COL4A2: variants seen among roughly 807,000 people sequenced by gnomAD.
The protein encoded by COL4A2 is collagen type IV alpha 2 chain.
A neutral mutation model predicts 200.2 loss-of-function variants in COL4A2; 99 were observed. That is an observed-to-expected ratio of 0.49 (90% CI 0.42 to 0.58). COL4A2 has a LOEUF of 0.58. Ranked by LOEUF, COL4A2 falls within the 20% of genes least tolerant of loss-of-function variation. COL4A2 has a pLI of 0.00. For synonymous variants in COL4A2, 897 were observed against 900.6 expected, an observed-to-expected ratio of 1.00 and a Z score of 0.07; for missense variants, 1,950 against 2,314.1, an observed-to-expected ratio of 0.84 and a Z score of 3.23.
At chr13:110,308,010 C>G in intron 2 of COL4A2, 59 bp from the exon 3 acceptor site, 1 of 1,611,044 alleles carries the variant, frequency 6.2e-7, no homozygotes, top group Non-Finnish European at 8.5e-7. Context: ...GTGTAACTCT[C>G]GGGGACTGAC....
intron 45 of COL4A2, 88 bp from the exon 46 acceptor site, chr13:110,506,327 C>CTG (rs1883871404): frequency 7.5e-7 from 1 of 1,336,394 alleles, no homozygotes; most frequent in Admixed American, 2.2e-5. Context: ...CTCTCTCAGG[C>CTG]TGTAGGTGCA....
intron 16 of COL4A2, among the ~76,000 whole-genome samples, chr13:110,444,153 C>G (rs918960539): frequency 6.6e-5 from 10 of 152,234 alleles, no homozygotes; most frequent in African/African-American, 1.9e-4. Flanking sequence ...AATGGGTTTT[C>G]TATAATGCCC....
chr13:110,464,157 G>T (rs1379567119), intron 24 of COL4A2, among the ~76,000 whole-genome samples: 1 of 152,184 alleles, frequency 6.6e-6, no homozygotes, highest in Non-Finnish European at 1.5e-5. Flanking sequence ...GCCTTGTGAA[G>T]TTGGTGACCA....
chr13:110,429,152 T>G (rs1880583333), intron 7 of COL4A2: 3 of 152,362 alleles, frequency 2.0e-5, no homozygotes, highest in South Asian at 4.2e-4. Context: ...TTGGTGAGAC[T>G]TTTTATTTAA....
chr13:110,497,981 C>T (rs1294215462), intron 40 of COL4A2, among the ~76,000 whole-genome samples: 1 of 148,216 alleles, frequency 6.7e-6, no homozygotes, highest in African/African-American at 2.5e-5. Flanking sequence ...GGGGTCAGTC[C>T]ACCAGCACAG....
intron 41 of COL4A2, 82 bp downstream of exon 41, chr13:110,501,866 A>G (rs1011256317): frequency 2.2e-6 from 3 of 1,361,976 alleles, no homozygotes; most frequent in Non-Finnish European, 3.1e-6. Context: ...GGGGGAGAAC[A>G]GACGTTCATT....
intron 31 of COL4A2, 27 bp from the exon 32 acceptor site, chr13:110,482,489 C>T: frequency 6.2e-7 from 1 of 1,610,466 alleles, no homozygotes; most frequent in Non-Finnish European, 8.5e-7. Context: ...CATGTCTAAC[C>T]CAGCACTTTT....
At chr13:110,511,883 C>T in intron 47 of COL4A2, 51 bp from the exon 48 acceptor site, 2 of 1,611,526 alleles carry the variant, frequency 1.2e-6, no homozygotes, top group Non-Finnish European at 1.7e-6. Context: ...TGACCCCGTG[C>T]CACCTGCAGG....
At chr13:110,396,450 A>G (rs1879185455) in intron 4 of COL4A2, among the ~76,000 whole-genome samples, 1 of 152,174 alleles carries the variant, frequency 6.6e-6, no homozygotes, top group African/African-American at 2.4e-5. Context: ...TTTCTTGAGT[A>G]GCCCTCTGGG....
intron 3 of COL4A2, among the ~76,000 whole-genome samples, chr13:110,311,164 T>C (rs903197509): frequency 6.6e-6 from 1 of 152,048 alleles, no homozygotes; most frequent in Non-Finnish European, 1.5e-5. Flanking sequence ...ACTGTGAGGA[T>C]CAGGGGCAGC....
At chr13:110,493,331 T>G in intron 39 of COL4A2, 49 bp downstream of exon 39, 1 of 1,585,150 alleles carries the variant, frequency 6.3e-7, no homozygotes, top group South Asian at 1.1e-5. Flanking sequence ...GTGTCGAGGG[T>G]GGGGACTCTG....
chr13:110,377,147 G>A (rs957431953), intron 4 of COL4A2, among the ~76,000 whole-genome samples: 1 of 151,878 alleles, frequency 6.6e-6, no homozygotes, highest in Non-Finnish European at 1.5e-5. Flanking sequence ...GTGGGGGTGG[G>A]GAGACTTGCT....
At position 110,397,303 on chromosome 13, in the gene COL4A2, G is replaced by A. The variant is rs578044458; in HGVS notation, c.181-27431G>A. 9.2e-5 allele frequency among the ~76,000 whole-genome samples: 14 copies of A among 152,280 alleles called. No homozygotes were observed. The East Asian group carries it at 9.6e-4, about 10-fold the overall frequency. On this transcript the variant is annotated intron_variant, in intron 4 of 47. Transcript: ENST00000360467. ...ACAGGGAAGTGGTTTGGGCAGCCCC[G>A]GAACCGAAGAACCCCTCAGAGCATC... is the stretch of plus-strand genomic sequence containing the variant.
chr13:110,485,440 G>A (rs1220912732), intron 33 of COL4A2, among the ~76,000 whole-genome samples: 4 of 151,294 alleles, frequency 2.6e-5, no homozygotes, highest in East Asian at 1.9e-4. Context: ...GGAGAATGGC[G>A]TGAACCGGGG....
Position 110,450,334 on chromosome 13 carries a change from GGAC to G in COL4A2, c.1220_1222del (p.Gly407_Pro408delinsAla). On this transcript the variant is annotated inframe_deletion, in exon 20 of 48. Transcript: ENST00000360467. ...GAGGAGAGGCCTGCCGGGTGAGATG[GGAC>G]CCAAGGGCTTCATCGGAGACCCCGG... is the stretch of plus-strand genomic sequence containing the variant. The G allele has an allele frequency of 1.9e-6, 3 of 1,613,812 alleles. No individual in the cohort carries two copies. The highest frequency in any genetic ancestry group is 2.5e-6 in the Non-Finnish European group (3 of 1,179,776).
intron 3 of COL4A2, among the ~76,000 whole-genome samples, chr13:110,321,103 A>G (rs1219475851): frequency 6.6e-6 from 1 of 152,156 alleles, no homozygotes; most frequent in African/African-American, 2.4e-5. Flanking sequence ...CACAGTGTTG[A>G]TAAACTAACC....
At chr13:110,377,765 A>C (rs1476407911) in intron 4 of COL4A2, among the ~76,000 whole-genome samples, 3 of 152,242 alleles carry the variant, frequency 2.0e-5, no homozygotes, top group African/African-American at 7.2e-5. Context: ...AAACATGTTA[A>C]AGAAGGTAAA....
chr13:110,415,964 A>T (rs1880026532), intron 4 of COL4A2, among the ~76,000 whole-genome samples: 2 of 152,386 alleles, frequency 1.3e-5, no homozygotes, highest in African/African-American at 4.8e-5. Context: ...CCAGGAAAAT[A>T]TTGGCACGTG....
intron 20 of COL4A2, among the ~76,000 whole-genome samples, chr13:110,455,353 C>G (rs921630513): frequency 2.6e-5 from 4 of 152,174 alleles, no homozygotes; most frequent in African/African-American, 9.7e-5. Flanking sequence ...GGAGCATTCC[C>G]TCCCGCTCCC....
Sources: allele counts gnomAD v4.1 joint callset (sites outside exome capture counted in the v4.1 genomes callset), GRCh38; gene constraint gnomAD v4.1.1; transcripts MANE v1.5; gene names NCBI Gene and HGNC (gene_info 2026-07-23, HGNC 2026-07-21).